Variants in POLR2E observed in about 807,000 individuals in gnomAD.
POLR2E encodes RNA polymerase II, I and III subunit E.
Under a neutral mutation model 29.8 loss-of-function variants are expected in POLR2E, and 35 were observed. The observed-to-expected ratio is 1.17, with a 90% CI of 0.90 to 1.55. The LOEUF is 1.55. Among genes scored for constraint, POLR2E ranks in the 40% most tolerant of loss-of-function variants. The pLI is 0.00. For missense variants in POLR2E, 287 were observed against 288.6 expected (o/e 0.99, Z 0.04); for synonymous variants, 174 against 112.6 (o/e 1.55, Z -3.45).
At chr19:1,092,803 C>G (rs1469897728) in intron 2 of POLR2E, among the ~76,000 whole-genome samples, 1 of 150,244 alleles carries the variant, frequency 6.7e-6, no homozygotes, top group Non-Finnish European at 1.5e-5. Context: ...ATTGTTTGAA[C>G]CTGGGAGGTG....
intron 2 of POLR2E, chr19:1,093,695 G>A: frequency 1.5e-6 from 2 of 1,344,062 alleles, no homozygotes; most frequent in South Asian, 3.5e-5. Context: ...GAAGGGGACT[G>A]AGAGGGAAAC....
Position 1,087,809 on chromosome 19 carries a change from TTAA to T in POLR2E, c.*923_*925del, listed in dbSNP as rs1432208456. On this transcript the variant is annotated 3_prime_UTR_variant, in exon 8 of 8. Transcript: ENST00000615234. ...CGACCGCCCGAGGGTGAATTACATCTTAATAAAGCTACTGTGAGAGAACCACGT... is the reference window on the plus strand; with the variant it reads ...CGACCGCCCGAGGGTGAATTACATCTTAAAGCTACTGTGAGAGAACCACGT... The T allele has an allele frequency of 6.6e-6, 1 of 152,294 alleles. No homozygotes were observed. Among genetic ancestry groups the T allele is most frequent in the Non-Finnish European group, 1.5e-5 (1 of 68,030 alleles). The allele number at this position is 152,294 out of a possible 1,614,324, so 9.4% of individuals were successfully genotyped here. A position where few individuals can be genotyped will look rare whatever the true frequency, so the allele number is the denominator to read the frequency against.
chr19:1,093,788 A>C, intron 2 of POLR2E, 116 bp downstream of exon 2: 1 of 1,425,246 alleles, frequency 7.0e-7, no homozygotes, highest in Non-Finnish European at 9.2e-7. Flanking sequence ...TTCCTCCCAG[A>C]CTGGGCAGAG....
intron 3 of POLR2E, among the ~76,000 whole-genome samples, 186 bp from the exon 4 acceptor site, chr19:1,091,174 C>G (rs937892821): frequency 6.6e-6 from 1 of 152,236 alleles, no homozygotes; most frequent in South Asian, 2.1e-4. Flanking sequence ...CTCTGCTCAT[C>G]GAGAGCCTCA....
rs2043709032 is a variant in POLR2E, at chr19:1,087,136, GTGA to G, written c.*1596_*1598del. On this transcript the variant is annotated 3_prime_UTR_variant, in exon 8 of 8. Coordinates refer to ENST00000615234, the MANE Select transcript of POLR2E (RefSeq NM_002695.5). ...CTCCCAAAGTGTTGGGATTACAGGT[GTGA>G]GCCACTGTGCCCAGGTAATCTTAAA... is the stretch of plus-strand genomic sequence containing the variant. The G allele has an allele frequency of 6.6e-6, 1 of 152,038 alleles. No homozygotes were observed. Among genetic ancestry groups the G allele is most frequent in the Non-Finnish European group, 1.5e-5 (1 of 68,024 alleles). 9.4% of individuals were successfully genotyped at this position (152,038 alleles called of 1,614,324 possible).
chr19:1,090,660 C>T (rs1351791239), intron 4 of POLR2E, among the ~76,000 whole-genome samples: 7 of 151,816 alleles, frequency 4.6e-5, no homozygotes, highest in East Asian at 1.9e-4. Context: ...CCTCGTGATC[C>T]GCCCGCCTCG....
Position 1,089,920 on chromosome 19 carries a change from GT to G in POLR2E, c.530del (p.Asp177AlafsTer9). On this transcript the variant is annotated frameshift_variant, in exon 6 of 8. Coordinates refer to ENST00000615234, the MANE Select transcript of POLR2E (RefSeq NM_002695.5). LOFTEE classifies it high-confidence loss of function. ...ENQLPRIQAG[D>X]PVARYFGIKR... is the part of the protein sequence containing the mutation. ...TTATCCCAAAGTAGCGCGCCACAGG[GT>G]CCCCCGCCTGGATCCTGGGCAGCTG... is the stretch of plus-strand genomic sequence containing the variant. The G allele has an allele frequency of 6.2e-7, 1 of 1,612,886 alleles. No homozygotes were observed. The highest frequency in any genetic ancestry group is 8.5e-7 in the Non-Finnish European group (1 of 1,179,926).
Position 1,090,095 on chromosome 19 carries a change from C to T in POLR2E, c.480G>A (p.Leu160=). The T allele has an allele frequency of 6.2e-7, 1 of 1,612,548 alleles. No homozygotes were observed. Among genetic ancestry groups the T allele is most frequent in the Admixed American group, 1.7e-5 (1 of 60,018 alleles). The change falls in exon 5 of 8, where the codon CTG becomes CTA. Residue 160 remains leucine (L), a synonymous_variant. Transcript: ENST00000615234. ...VMTKEEVTEL[L]ARYKLRENQL... is the part of the protein sequence containing the mutation. ...GGGGCTGGAAAGGATACTATCGGGC[C>T]AGCAGCTCTGTCACCTCCTCCTTGG...
chr19:1,091,031 ACAACCC>A (rs1451054806), intron 3 of POLR2E, 43 bp from the exon 4 acceptor site: 1 of 1,559,606 alleles, frequency 6.4e-7, no homozygotes, highest in Non-Finnish European at 8.8e-7. Flanking sequence ...AGGGGCCCAG[ACAACCC>A]CAACCCCATT....
rs1293095773 is a variant in POLR2E at position 1,090,112 on chromosome 19, C to T, written c.463G>A (p.Glu155Lys). The T allele has an allele frequency of 6.8e-6, 11 of 1,612,654 alleles. No homozygotes were observed. The highest frequency in any genetic ancestry group is 8.5e-6 in the Non-Finnish European group (10 of 1,179,950). The change falls in exon 5 of 8, where the codon GAG becomes AAG. Residue 155 changes from glutamate to lysine, a missense_variant. By Grantham distance (56) the Glu-to-Lys change is moderately conservative. Transcript: ENST00000615234. The part of the protein sequence containing the change: ...VPEHVVMTKE[E>K]VTELLARYKL... ...TATCGGGCCAGCAGCTCTGTCACCT[C>T]CTCCTTGGTCATGACGACGTGCTCA...
At chr19:1,093,394 G>T (rs996505516) in intron 2 of POLR2E, among the ~76,000 whole-genome samples, 5 of 152,146 alleles carry the variant, frequency 3.3e-5, no homozygotes, top group Admixed American at 6.5e-5. Flanking sequence ...TGAAACCGAG[G>T]GTCCCAGGGG....
chr19:1,093,863 C>T (rs1322108292), intron 2 of POLR2E, 41 bp downstream of exon 2: 1 of 1,529,524 alleles, frequency 6.5e-7, no homozygotes, highest in Non-Finnish European at 8.8e-7. Context: ...GGCAGGTGCT[C>T]TGGTGGCTTC....
At chr19:1,091,652 C>G (rs956078825) in intron 3 of POLR2E, 140 bp downstream of exon 3, 6 of 637,114 alleles carry the variant, frequency 9.4e-6, no homozygotes, top group African/African-American at 5.4e-5. Context: ...CGGGGCTTGC[C>G]GGACATCCCG....
At chr19:1,093,636 G>T in intron 2 of POLR2E, 2 of 796,382 alleles carry the variant, frequency 2.5e-6, no homozygotes, top group Non-Finnish European at 3.5e-6. Context: ...ATGGGGGGCT[G>T]GGGGTGAGTG....
At position 1,087,733 on chromosome 19, in the gene POLR2E, T is replaced by C. The variant is rs8113195; in HGVS notation, c.*1002A>G. The C allele has an allele frequency of 0.29, 44,200 of 152,226 alleles. 7,471 individuals carry two copies. The highest frequency in any genetic ancestry group is 0.47 in the African/African-American group (19,500 of 41,428). The allele number at this position is 152,226 out of a possible 1,614,324, so 9.4% of individuals were successfully genotyped here. A position where few individuals can be genotyped will look rare whatever the true frequency, so the allele number is the denominator to read the frequency against. On this transcript the variant is annotated 3_prime_UTR_variant, in exon 8 of 8. Coordinates refer to ENST00000615234, the MANE Select transcript of POLR2E (RefSeq NM_002695.5). ...CCCATCACACACACAGTCCGCGGCC[T>C]GGGGATCTGGGGACCCTGCTGCACA...
chr19:1,089,707 G>T, intron 6 of POLR2E, 156 bp from the exon 7 acceptor site: 1 of 793,176 alleles, frequency 1.3e-6, no homozygotes, highest in Non-Finnish European at 2.1e-6. Flanking sequence ...CCTGGGTCAC[G>T]CTCTTCTCTG....
At chr19:1,094,407 C>G (rs1265216272) in intron 1 of POLR2E, 3 of 299,914 alleles carry the variant, frequency 1.0e-5, no homozygotes, top group Non-Finnish European at 1.8e-5. Flanking sequence ...AGGCGGGGCG[C>G]GGAGGCTCAC....
At position 1,088,739 on chromosome 19, in the gene POLR2E, G is replaced by A. The variant is rs562243999; in HGVS notation, c.*15-19C>T. Reference sequence around the variant, plus strand: ...CTAGGGGCTAGGAAAGGGGGAGAGTGGTCACACGACAGGGGCAGATCCAGT... The same window carrying A: ...CTAGGGGCTAGGAAAGGGGGAGAGTAGTCACACGACAGGGGCAGATCCAGT... On this transcript the variant is annotated intron_variant, in intron 7 of 7. Coordinates refer to ENST00000615234, the MANE Select transcript of POLR2E (RefSeq NM_002695.5). 1 of 152,538 alleles carries A rather than the reference G, an allele frequency of 6.6e-6. No homozygotes were observed. Among genetic ancestry groups the A allele is most frequent in the East Asian group, 1.9e-4 (1 of 5,182 alleles). 9.4% of individuals were successfully genotyped at this position (152,538 alleles called of 1,614,324 possible). A position where few individuals can be genotyped will look rare whatever the true frequency, so the allele number is the denominator to read the frequency against.
At chr19:1,091,992 GC>G in intron 2 of POLR2E, 85 bp from the exon 3 acceptor site, 1 of 920,764 alleles carries the variant, frequency 1.1e-6, no homozygotes, top group Non-Finnish European at 1.8e-6. Context: ...CCAGGTTCCA[GC>G]CCCATTCCAC....
Sources: gnomAD v4.1 joint callset for allele counts (sites outside exome capture counted in the v4.1 genomes callset) on GRCh38, gnomAD v4.1.1 for gene constraint, MANE v1.5 for transcripts, NCBI Gene and HGNC (gene_info 2026-07-23, HGNC 2026-07-21) for gene names.